The following FAT4 variants were observed in gnomAD, a reference collection of about 807,000 sequenced individuals.
FAT4 encodes the protein protocadherin Fat 4.
FAT4 carries 84 observed loss-of-function variants against 303.9 expected under a neutral mutation model. The ratio of observed to expected loss-of-function variants is 0.28; its 90% CI spans 0.23 to 0.33. The LOEUF is 0.33. Ranked by LOEUF, FAT4 falls within the 10% of genes least tolerant of loss-of-function variation. FAT4 has a pLI of 1.00. For synonymous variants in FAT4, 2,307 were observed against 2,298.8 expected (o/e 1.00, Z -0.10); for missense variants, 6,005 against 6,146.8 (o/e 0.98, Z 0.77).
At chr4:125,343,868 C>G (rs1731893720) in intron 2 of FAT4, among the ~76,000 whole-genome samples, 1 of 151,994 alleles carries the variant, frequency 6.6e-6, no homozygotes, top group Non-Finnish European at 1.5e-5. Flanking sequence ...GAGATATTTC[C>G]AAAAGCATAT....
At chr4:125,400,542 TTGTG>T (rs1415806900) in intron 3 of FAT4, among the ~76,000 whole-genome samples, 1 of 151,924 alleles carries the variant, frequency 6.6e-6, no homozygotes, top group Non-Finnish European at 1.5e-5. Flanking sequence ...GTGTGTGTGT[TTGTG>T]TATGTGTGCA....
chr4:125,376,158 T>G (rs1733309758), intron 2 of FAT4, among the ~76,000 whole-genome samples: 3 of 152,240 alleles, frequency 2.0e-5, no homozygotes, highest in Admixed American at 2.0e-4. Flanking sequence ...GTTATTTGTG[T>G]AAGAATTATA....
At chr4:125,441,461 C>T (rs1486963231) in intron 8 of FAT4, among the ~76,000 whole-genome samples, 1 of 151,918 alleles carries the variant, frequency 6.6e-6, no homozygotes, top group Non-Finnish European at 1.5e-5. Context: ...ACTTTGTATA[C>T]CATATAAAAA....
chr4:125,329,336 A>G (rs546613074), intron 2 of FAT4, among the ~76,000 whole-genome samples: 1 of 152,188 alleles, frequency 6.6e-6, no homozygotes, highest in Non-Finnish European at 1.5e-5. Flanking sequence ...GCCTTTCTCA[A>G]TGCTCATTGT....
At chr4:125,333,112 A>T (rs1243593927) in intron 2 of FAT4, among the ~76,000 whole-genome samples, 4 of 152,072 alleles carry the variant, frequency 2.6e-5, no homozygotes, top group Non-Finnish European at 5.9e-5. Context: ...GTGTTACTAA[A>T]AATAATCCTG....
chr4:125,415,279 G>C lies in FAT4; in HGVS notation c.6316G>C (p.Val2106Leu), dbSNP rs1360807501. Residue 2106 changes from valine (V) to leucine (L), a missense_variant, in exon 6 of 18, where the codon GTG becomes CTG. Coordinates refer to ENST00000394329, the MANE Select transcript of FAT4 (RefSeq NM_001291303.3). ...CAGTATTGGGACCATTGATGGTGAA[G>C]TGAGGCTCACTGGAGAACTGGACAG... ...KFSIGTIDGE[V>L]RLTGELDREE... 2 of 1,613,968 alleles carry C rather than the reference G, an allele frequency of 1.2e-6. No homozygotes were observed. The highest frequency in any genetic ancestry group is 1.7e-6 in the Non-Finnish European group (2 of 1,180,000).
chr4:125,376,469 G>A (rs548505254), intron 2 of FAT4, among the ~76,000 whole-genome samples: 2 of 152,028 alleles, frequency 1.3e-5, no homozygotes, highest in South Asian at 4.2e-4. Flanking sequence ...GGAGGGGAGA[G>A]GAATAGCATT....
rs758937118 is a variant in FAT4 at position 125,415,109 on chromosome 4, C to T, written c.6146C>T (p.Pro2049Leu). The change falls in exon 6 of 18, where the codon CCG becomes CTG. Residue 2049 changes from proline to leucine, a missense_variant. Transcript: ENST00000394329. ...IILLDVNDNP[P>L]TFLSPKLTYI... ...TTGTTGGATGTAAATGATAACCCAC[C>T]GACATTTCTTTCCCCTAAATTGACA... 10 of 1,613,768 alleles carry T rather than the reference C, an allele frequency of 6.2e-6. No homozygotes were observed. The highest frequency in any genetic ancestry group is 4.2e-6 in the Non-Finnish European group (5 of 1,179,846).
At chr4:125,482,840 T>A (rs1328409343) in intron 16 of FAT4, among the ~76,000 whole-genome samples, 2 of 152,198 alleles carry the variant, frequency 1.3e-5, no homozygotes, top group Non-Finnish European at 2.9e-5. Context: ...ATGTTGCATA[T>A]AAATATATTT....
intron 2 of FAT4, among the ~76,000 whole-genome samples, chr4:125,338,218 A>G (rs555136719): frequency 6.6e-6 from 1 of 152,276 alleles, no homozygotes; most frequent in East Asian, 1.9e-4. Flanking sequence ...CAAGATGGAC[A>G]TGGAAGCAGA....
At position 125,449,862 on chromosome 4, in the gene FAT4, A is replaced by T. The variant is rs199726050; in HGVS notation, c.8852A>T (p.His2951Leu). Residue 2951 changes from histidine to leucine, a missense_variant, in exon 10 of 18, where the codon CAT becomes CTT. Transcript: ENST00000394329. ...TTCAGTAATGTGAATATCAACAGGC[A>T]TAGTTTTATAGTGACATCTTCAGAT... is the stretch of plus-strand genomic sequence containing the variant. The part of the protein sequence containing the change: ...TGFSNVNINR[H>L]SFIVTSSDRG... 1 of 1,613,960 alleles carries T rather than the reference A, an allele frequency of 6.2e-7. No individual in the cohort carries two copies. Among genetic ancestry groups the T allele is most frequent in the Non-Finnish European group, 8.5e-7 (1 of 1,179,886 alleles).
In FAT4 at chr4:125,317,974, A is replaced by T. The variant is rs547988014; in HGVS notation, c.1563A>T (p.Gly521=). 6.2e-7 allele frequency: 1 copy of T among 1,614,148 alleles called. No homozygotes were observed. Among genetic ancestry groups the T allele is most frequent in the South Asian group, 1.1e-5 (1 of 91,078 alleles). Residue 521 remains glycine (G), a synonymous_variant, in exon 2 of 18, where the codon GGA becomes GGT. Transcript: ENST00000394329. This position sits in a 1 kb window ranked among gnomAD's most constrained non-coding sequence, Gnocchi z 7.0. Reference sequence around the variant, plus strand: ...GCATTGTCTCTGGCAATGGACTGGGATGGTTCCATATCAGTGAACATAGCG... The same window carrying T: ...GCATTGTCTCTGGCAATGGACTGGGTTGGTTCCATATCAGTGAACATAGCG... ...RYSIVSGNGL[G]WFHISEHSGL... is the part of the protein sequence containing the mutation.
At chr4:125,462,561 G>A (rs527362187) in intron 10 of FAT4, among the ~76,000 whole-genome samples, 2 of 152,060 alleles carry the variant, frequency 1.3e-5, no homozygotes, top group South Asian at 4.2e-4. Flanking sequence ...ATTAGAACAT[G>A]TTTAAGTTTA....
intron 2 of FAT4, among the ~76,000 whole-genome samples, chr4:125,371,105 G>C (rs190555036): frequency 5.0e-5 from 7 of 140,692 alleles, no homozygotes; most frequent in African/African-American, 1.8e-4. Flanking sequence ...CTGAGATCGC[G>C]CCATTGCACT....
Position 125,415,408 on chromosome 4 carries a change from G to T in FAT4, c.6445G>T (p.Asp2149Tyr). 6.2e-7 allele frequency: 1 copy of T among 1,614,018 alleles called. No homozygotes were observed. Among genetic ancestry groups the T allele is most frequent in the Non-Finnish European group, 8.5e-7 (1 of 1,179,976 alleles). The change falls in exon 6 of 18, where the codon GAT becomes TAT. Residue 2149 changes from aspartate to tyrosine, a missense_variant. By Grantham distance (160) the Asp-to-Tyr change is radical. Transcript: ENST00000394329. Reference protein sequence around the residue: ...EVVVMVLDINDNNPIFAQALY... With the variant: ...EVVVMVLDINYNNPIFAQALY... ...TGTAGTTATGGTACTTGACATCAAT[G>T]ATAACAACCCCATCTTTGCACAAGC...
intron 2 of FAT4, among the ~76,000 whole-genome samples, chr4:125,374,244 A>T (rs1194384465): frequency 6.6e-6 from 1 of 152,172 alleles, no homozygotes; most frequent in Non-Finnish European, 1.5e-5. Flanking sequence ...CTCGTTGTAA[A>T]AGGAAACTGA....
intron 15 of FAT4, 94 bp downstream of exon 15, chr4:125,479,959 C>A: frequency 1.0e-6 from 1 of 959,262 alleles, no homozygotes; most frequent in Non-Finnish European, 1.4e-6. Flanking sequence ...AAAAATTATG[C>A]TTTCATTCTA....
At chr4:125,474,553 A>T (rs997764310) in intron 12 of FAT4, among the ~76,000 whole-genome samples, 1 of 152,002 alleles carries the variant, frequency 6.6e-6, no homozygotes, top group African/African-American at 2.4e-5. Flanking sequence ...AATGGCAAAA[A>T]AAATTCCATG....
At chr4:125,343,948 T>C (rs903292425) in intron 2 of FAT4, among the ~76,000 whole-genome samples, 2 of 152,188 alleles carry the variant, frequency 1.3e-5, no homozygotes, top group Non-Finnish European at 2.9e-5. Flanking sequence ...TGTTGTGTTC[T>C]AATAGATGAT....
Sources: allele counts gnomAD v4.1 joint callset (sites outside exome capture counted in the v4.1 genomes callset), GRCh38; gene constraint gnomAD v4.1.1; non-coding constraint Gnocchi (gnomAD v3.1); transcripts MANE v1.5; gene names NCBI Gene and HGNC (gene_info 2026-07-23, HGNC 2026-07-21).